The following ECT2L variants were observed in gnomAD, a reference collection of about 807,000 sequenced individuals.
ECT2L encodes epithelial cell-transforming sequence 2 oncogene-like.
ECT2L carries 126 observed loss-of-function variants against 122.8 expected under a neutral mutation model. The ratio of observed to expected loss-of-function variants is 1.03; its 90% confidence interval spans 0.89 to 1.19. The LOEUF is 1.19. Among genes scored for constraint, ECT2L ranks in the 50% most tolerant of loss-of-function variants. The probability of loss-of-function intolerance (pLI) is 0.00; values close to 1 mark genes in which losing one functional copy is unlikely to be tolerated. For synonymous variants in ECT2L, 385 were observed against 381.8 expected (o/e 1.01, Z -0.10); for missense variants, 1,012 against 1,064.1 (o/e 0.95, Z 0.68).
intron 4 of ECT2L, among the ~76,000 whole-genome samples, chr6:138,819,230 C>CT (rs1776182190): frequency 1.5e-5 from 1 of 65,424 alleles, no homozygotes; most frequent in Non-Finnish European, 2.8e-5. Context: ...GTGGATGATG[C>CT]TTAAAAAAAA....
At chr6:138,827,288 TA>T (rs1776483660) in intron 4 of ECT2L, among the ~76,000 whole-genome samples, 1 of 151,034 alleles carries the variant, frequency 6.6e-6, no homozygotes, top group South Asian at 2.1e-4. Flanking sequence ...GTGGAGGTTG[TA>T]GTGAGCTGAG....
At chr6:138,885,640 G>A in intron 17 of ECT2L, 34 bp from the exon 18 acceptor site, 1 of 1,613,916 alleles carries the variant, frequency 6.2e-7, no homozygotes, top group South Asian at 1.1e-5. Context: ...TGGGCCTTCA[G>A]AGACCAGAGC....
intron 4 of ECT2L, among the ~76,000 whole-genome samples, chr6:138,815,308 G>A (rs964977660): frequency 2.0e-5 from 3 of 152,186 alleles, no homozygotes; most frequent in Admixed American, 6.5e-5. Context: ...AAAACAACCC[G>A]TGGCTTGTTA....
At chr6:138,808,459 G>A (rs1378635272) in intron 1 of ECT2L, among the ~76,000 whole-genome samples, 1 of 151,890 alleles carries the variant, frequency 6.6e-6, no homozygotes, top group Non-Finnish European at 1.5e-5. Flanking sequence ...ATGTTGCACG[G>A]GCTAGTCTCA....
At position 138,885,530 on chromosome 6, in the gene ECT2L, C is replaced by T. The variant is rs200895974; in HGVS notation, c.2053C>T (p.Arg685Ter). 5.5e-5 allele frequency: 88 copies of T among 1,613,954 alleles called. No homozygotes were observed. Among genetic ancestry groups the T allele is most frequent in the Middle Eastern group, 3.3e-4 (2 of 6,078 alleles). ...GTGCAGAGAAATGATACCAGCATTC[C>T]GAACTTTCCTGAAGAGGCATGATAA... ...EKCREMIPAF[R>*]TFLKRHDKTI... is the part of the protein sequence containing the mutation. The change falls in exon 17 of 22, where the codon CGA (arginine) becomes TGA (stop). Residue 685 changes from arginine to a stop codon, truncating the protein, a stop_gained. Transcript: ENST00000541398. LOFTEE classifies it high-confidence loss of function.
intron 20 of ECT2L, among the ~76,000 whole-genome samples, chr6:138,895,101 A>G (rs556289373): frequency 1.3e-5 from 2 of 151,102 alleles, no homozygotes; most frequent in South Asian, 4.2e-4. Flanking sequence ...TCTACAGGGG[A>G]AAAAAAAACG....
intron 10 of ECT2L, among the ~76,000 whole-genome samples, chr6:138,856,319 G>A (rs935906095): frequency 4.6e-5 from 7 of 151,770 alleles, no homozygotes; most frequent in Non-Finnish European, 1.0e-4. Context: ...GGGCTCAAGC[G>A]ATTCTTCTGC....
chr6:138,810,156 G>A (rs1775844592), intron 1 of ECT2L, among the ~76,000 whole-genome samples: 1 of 152,178 alleles, frequency 6.6e-6, no homozygotes, highest in African/African-American at 2.4e-5. Flanking sequence ...TATTTGGCTG[G>A]TTTGTAAGCA....
At chr6:138,889,331 CT>C (rs914814006) in intron 20 of ECT2L, among the ~76,000 whole-genome samples, 38 of 146,952 alleles carry the variant, frequency 2.6e-4, no homozygotes, top group East Asian at 2.0e-4. Context: ...TTTTCTTTTT[CT>C]TTTTTTTTTT....
At chr6:138,835,328 C>T (rs1776794206) in intron 4 of ECT2L, among the ~76,000 whole-genome samples, 1 of 152,058 alleles carries the variant, frequency 6.6e-6, no homozygotes, top group East Asian at 1.9e-4. Flanking sequence ...GCAGGCGGAT[C>T]GCTTGAGCTT....
At chr6:138,818,659 G>T (rs1776151110) in intron 4 of ECT2L, among the ~76,000 whole-genome samples, 1 of 152,212 alleles carries the variant, frequency 6.6e-6, no homozygotes, top group South Asian at 2.1e-4. Context: ...GGGGTCACGG[G>T]AGAGAGATTG....
intron 4 of ECT2L, among the ~76,000 whole-genome samples, chr6:138,815,153 T>A (rs1396959303): frequency 6.6e-6 from 1 of 152,106 alleles, no homozygotes; most frequent in Non-Finnish European, 1.5e-5. Flanking sequence ...CATCTGTGAG[T>A]TGAAGTTATG....
rs753926308 is a variant in ECT2L, at chr6:138,813,359, A to T, written c.66+19A>T. 6.3e-7 allele frequency: 1 copy of T among 1,582,210 alleles called. No individual in the cohort carries two copies. Among genetic ancestry groups the T allele is most frequent in the South Asian group, 1.2e-5 (1 of 86,810 alleles). The stretch of plus-strand genomic sequence containing the variant: ...TAGACAGGTAAGTTACATACTTTAA[A>T]ACAGAACAAGTTTAATTCGTAAGGT... On this transcript the variant is annotated intron_variant, in intron 3 of 21. Coordinates refer to ENST00000541398, the MANE Select transcript of ECT2L (RefSeq NM_001077706.3).
chr6:138,802,039 G>A (rs569270355), intron 1 of ECT2L, among the ~76,000 whole-genome samples: 10 of 152,292 alleles, frequency 6.6e-5, no homozygotes, highest in East Asian at 1.9e-4. Context: ...CAAGGGCTCC[G>A]GCTTCCATCT....
At chr6:138,853,157 G>A (rs752946452) in intron 9 of ECT2L, among the ~76,000 whole-genome samples, 5 of 151,964 alleles carry the variant, frequency 3.3e-5, no homozygotes, top group Non-Finnish European at 7.4e-5. Flanking sequence ...TAGTAGAGAT[G>A]GGGTTTCACC....
intron 4 of ECT2L, among the ~76,000 whole-genome samples, chr6:138,819,439 G>A (rs561148886): frequency 6.6e-5 from 10 of 151,962 alleles, no homozygotes; most frequent in East Asian, 1.9e-4. Flanking sequence ...TCTGTCTACC[G>A]CTTGACACCA....
At chr6:138,820,647 G>A (rs991160324) in intron 4 of ECT2L, among the ~76,000 whole-genome samples, 34 of 151,802 alleles carry the variant, frequency 2.2e-4, no homozygotes, top group Non-Finnish European at 4.7e-4. Context: ...GAAACAGGAA[G>A]GAAAAAACAA....
chr6:138,883,756 C>G (rs1778718739), intron 16 of ECT2L, among the ~76,000 whole-genome samples: 1 of 152,244 alleles, frequency 6.6e-6, no homozygotes. Flanking sequence ...CACATGGTAT[C>G]AGGAACACAC....
intron 1 of ECT2L, among the ~76,000 whole-genome samples, chr6:138,799,215 T>G (rs1775446121): frequency 6.6e-6 from 1 of 152,198 alleles, no homozygotes; most frequent in Admixed American, 6.5e-5. Context: ...ATTTTGAAAC[T>G]TGATAGGCAA....
Sources: gnomAD v4.1 joint callset for allele counts (sites outside exome capture counted in the v4.1 genomes callset) on GRCh38, gnomAD v4.1.1 for gene constraint, MANE v1.5 for transcripts, NCBI Gene and HGNC (gene_info 2026-07-23, HGNC 2026-07-21) for gene names.